CACNA2D3: variants seen among roughly 807,000 people sequenced by gnomAD.
The protein encoded by CACNA2D3 is voltage-dependent calcium channel subunit alpha-2/delta-3.
A neutral mutation model predicts 160.6 loss-of-function variants in CACNA2D3; 60 were observed. The ratio of observed to expected loss-of-function variants is 0.37; its 90% CI spans 0.30 to 0.46. CACNA2D3 has a LOEUF of 0.46. CACNA2D3 is among the 20% of genes least tolerant of loss of function. The pLI is 1.00. For missense variants in CACNA2D3, 1,205 were observed against 1,365.0 expected (o/e 0.88, Z 1.85); for synonymous variants, 558 against 492.9 (o/e 1.13, Z -1.75).
At chr3:54,290,775 T>C (rs1703174573) in intron 2 of CACNA2D3, among the ~76,000 whole-genome samples, 1 of 152,024 alleles carries the variant, frequency 6.6e-6, no homozygotes, top group Non-Finnish European at 1.5e-5. Flanking sequence ...TGGATGAAAC[T>C]GGAAACCATC....
intron 4 of CACNA2D3, among the ~76,000 whole-genome samples, chr3:54,475,809 T>TTGTGTGTGTGTG (rs3030044): frequency 0.045 from 6,363 of 142,694 alleles, 201 homozygotes; most frequent in African/African-American, 0.089. Context: ...TGGTTACCAT[T>TTGTGTGTGTGTG]TGTGTGTGTG....
Position 54,883,815 on chromosome 3 carries a change from C to CTCTCTCTCTCTCTCTCTCTCTCTCTCTT in CACNA2D3, c.1913-1458_1913-1457insTCTCTCTCTCTCTCTCTCTTTCTCTCTC, listed in dbSNP as rs1428502988. On this transcript the variant is annotated intron_variant, in intron 21 of 37. Transcript: ENST00000474759. ...TACAATGGAATCTCTCTCTCTCTCTCTCTCTCTCCTCTCTCTCCCTTCAAC... is the reference window on the plus strand; with the variant it reads ...TACAATGGAATCTCTCTCTCTCTCTCTCTCTCTCTCTCTCTCTCTCTCTCTCTTTCTCTCTCCTCTCTCTCCCTTCAAC... Among the ~76,000 whole-genome samples the CTCTCTCTCTCTCTCTCTCTCTCTCTCTT allele has an allele frequency of 8.8e-4, 125 of 142,572 alleles. 1 individual carries two copies. The highest frequency in any genetic ancestry group is 3.0e-3 in the African/African-American group (113 of 37,920). The allele number at this position is 142,572 out of a possible 152,430, so 93.5% of individuals were successfully genotyped here.
intron 11 of CACNA2D3, 57 bp downstream of exon 11, chr3:54,642,298 T>A: frequency 1.0e-6 from 1 of 985,434 alleles, no homozygotes; most frequent in Non-Finnish European, 1.5e-6. Context: ...TTTACTGTAA[T>A]CTCCAGCTTG....
At chr3:54,803,785 A>T (rs1703050446) in intron 13 of CACNA2D3, among the ~76,000 whole-genome samples, 1 of 152,226 alleles carries the variant, frequency 6.6e-6, no homozygotes, top group African/African-American at 2.4e-5. Flanking sequence ...GAAGGAAAAA[A>T]TGTTAAGGGC....
At chr3:54,998,713 T>C (rs918267023) in intron 31 of CACNA2D3, among the ~76,000 whole-genome samples, 1 of 147,146 alleles carries the variant, frequency 6.8e-6, no homozygotes, top group Non-Finnish European at 1.5e-5. Flanking sequence ...CTAAAGTTGG[T>C]TTTTGTTTTG....
At chr3:54,359,153 C>T (rs1305074221) in intron 3 of CACNA2D3, among the ~76,000 whole-genome samples, 2 of 152,114 alleles carry the variant, frequency 1.3e-5, no homozygotes, top group African/African-American at 4.8e-5. Flanking sequence ...AGGGTCTGTC[C>T]TCAAAATAGG....
Position 54,879,049 on chromosome 3 carries a change from G to A in CACNA2D3, c.1742G>A (p.Gly581Glu). The A allele has an allele frequency of 6.2e-7, 1 of 1,606,212 alleles. No individual in the cohort carries two copies. The highest frequency in any genetic ancestry group is 8.5e-7 in the Non-Finnish European group (1 of 1,177,238). The change falls in exon 19 of 38, where the codon GGG becomes GAG. Residue 581 changes from glycine (G) to glutamate (E), a missense_variant. Gly to Glu is a moderately conservative substitution (Grantham distance 98). Around this residue, in one of 3 missense-constraint regions of CACNA2D3, gnomAD observed 911 missense variants for 1,002.2 expected, o/e 0.91. Transcript: ENST00000474759. Reference sequence around the variant, plus strand: ...AATGCTATGGTGAATCGAAAGACGGGGAAGTTTTCCATGGAGGTGAAGAAG... The same window carrying A: ...AATGCTATGGTGAATCGAAAGACGGAGAAGTTTTCCATGGAGGTGAAGAAG... ...LRNAMVNRKT[G>E]KFSMEVKKTV...
intron 13 of CACNA2D3, among the ~76,000 whole-genome samples, chr3:54,776,878 C>A (rs914746413): frequency 2.0e-5 from 3 of 152,156 alleles, no homozygotes; most frequent in African/African-American, 7.2e-5. Flanking sequence ...CTTGTGCCTT[C>A]CGAGAGCTGA....
intron 13 of CACNA2D3, among the ~76,000 whole-genome samples, chr3:54,782,936 A>G (rs2107132786): frequency 6.6e-6 from 1 of 152,310 alleles, no homozygotes; most frequent in East Asian, 1.9e-4. Context: ...GGGGCAGGTA[A>G]AACGCACACC....
Position 54,837,215 on chromosome 3 carries a change from T to C in CACNA2D3, c.1455T>C (p.Ser485=). ...LMTTVAMPVF[S]KQNETRSKGI... is the part of the protein sequence containing the mutation. ...CCACTGTAGCCATGCCTGTGTTTAG[T>C]AAGCAGAACGAAACCGTGAGTACAG... The change falls in exon 15 of 38, where the codon AGT becomes AGC. Residue 485 remains serine (S), a synonymous_variant. Transcript: ENST00000474759. The C allele has an allele frequency of 1.2e-6, 2 of 1,613,970 alleles. No individual in the cohort carries two copies. The highest frequency in any genetic ancestry group is 1.7e-6 in the Non-Finnish European group (2 of 1,179,832).
intron 4 of CACNA2D3, among the ~76,000 whole-genome samples, chr3:54,421,930 C>T (rs974915298): frequency 2.6e-5 from 4 of 152,140 alleles, no homozygotes; most frequent in Admixed American, 6.5e-5. Flanking sequence ...TCCACCACAC[C>T]GAGAGCCTTA....
intron 3 of CACNA2D3, among the ~76,000 whole-genome samples, chr3:54,363,105 G>A (rs1698771064): frequency 6.6e-6 from 1 of 152,052 alleles, no homozygotes; most frequent in African/African-American, 2.4e-5. Flanking sequence ...TGAGGCAGAG[G>A]AATTGCTTGA....
intron 2 of CACNA2D3, among the ~76,000 whole-genome samples, chr3:54,279,755 T>C (rs1440764194): frequency 6.6e-6 from 1 of 152,196 alleles, no homozygotes. Context: ...GAGCTGTCTC[T>C]GTTCTCAAAA....
At chr3:54,371,326 C>T (rs1432756071) in intron 3 of CACNA2D3, among the ~76,000 whole-genome samples, 2 of 152,080 alleles carry the variant, frequency 1.3e-5, no homozygotes, top group African/African-American at 4.8e-5. Flanking sequence ...TCTAGGAACA[C>T]TTTACTATGA....
intron 2 of CACNA2D3, among the ~76,000 whole-genome samples, chr3:54,174,495 G>T: frequency 6.6e-6 from 1 of 152,172 alleles, no homozygotes; most frequent in Non-Finnish European, 1.5e-5. Context: ...TTCCTGGTTT[G>T]GGGGTTATTA....
chr3:54,829,138 A>C (rs1703812494), intron 14 of CACNA2D3, among the ~76,000 whole-genome samples: 1 of 152,216 alleles, frequency 6.6e-6, no homozygotes, highest in East Asian at 1.9e-4. Context: ...CCAAGTAGGC[A>C]GAATCAATAC....
chr3:54,888,134 C>A, intron 24 of CACNA2D3, 82 bp downstream of exon 24: 1 of 1,102,778 alleles, frequency 9.1e-7, no homozygotes, highest in Non-Finnish European at 1.4e-6. Flanking sequence ...AAGAACTAAA[C>A]TGTTTTAGGA....
chr3:54,286,743 A>C (rs374813766), intron 2 of CACNA2D3, among the ~76,000 whole-genome samples: 4 of 152,354 alleles, frequency 2.6e-5, no homozygotes, highest in Non-Finnish European at 5.9e-5. Context: ...CAGAAACTCT[A>C]CAAGCCAGAA....
At chr3:54,380,025 C>G (rs947525873) in intron 3 of CACNA2D3, among the ~76,000 whole-genome samples, 3 of 152,172 alleles carry the variant, frequency 2.0e-5, no homozygotes, top group African/African-American at 7.2e-5. Context: ...ATAAACAACT[C>G]TATCCCAAGG....
Sources: gnomAD v4.1 joint callset for allele counts (sites outside exome capture counted in the v4.1 genomes callset) on GRCh38, gnomAD v4.1.1 for gene constraint, gnomAD v4.1.1 regional missense constraint, MANE v1.5 for transcripts, NCBI Gene and HGNC (gene_info 2026-07-23, HGNC 2026-07-21) for gene names.